Variants in KCNT2 observed in about 807,000 individuals in gnomAD.
The protein encoded by KCNT2 is potassium channel subfamily T member 2.
A neutral mutation model predicts 153.8 loss-of-function variants in KCNT2; 67 were observed. The observed-to-expected ratio is 0.44, with a 90% CI of 0.36 to 0.53. KCNT2 has a LOEUF of 0.53. Among genes scored for constraint, KCNT2 ranks in the 20% least tolerant of loss-of-function variants. The pLI, the probability that KCNT2 is intolerant of heterozygous loss-of-function variation, is 0.00. For missense variants in KCNT2, 975 were observed against 1,354.8 expected, an observed-to-expected ratio of 0.72 and a Z score of 4.40; for synonymous variants, 500 against 458.8, an observed-to-expected ratio of 1.09 and a Z score of -1.15.
intron 1 of KCNT2, among the ~76,000 whole-genome samples, chr1:196,569,183 A>T (rs1231251821): frequency 6.6e-6 from 1 of 152,092 alleles, no homozygotes; most frequent in African/African-American, 2.4e-5. Flanking sequence ...TTATGTTGTT[A>T]TATTTTTTAA....
chr1:196,234,468 C>T (rs965367997), intron 27 of KCNT2, among the ~76,000 whole-genome samples: 3 of 151,322 alleles, frequency 2.0e-5, no homozygotes, highest in African/African-American at 7.3e-5. Context: ...TACATAGGGG[C>T]TTGCCTTTAC....
chr1:196,254,472 T>G (rs1428404232), intron 26 of KCNT2, among the ~76,000 whole-genome samples: 1 of 151,536 alleles, frequency 6.6e-6, no homozygotes, highest in Non-Finnish European at 1.5e-5. Flanking sequence ...TTCCAATTAT[T>G]AAAAGTTGCA....
intron 1 of KCNT2, among the ~76,000 whole-genome samples, chr1:196,566,538 C>T (rs1660134550): frequency 6.6e-6 from 1 of 151,940 alleles, no homozygotes; most frequent in Admixed American, 6.6e-5. Context: ...TCTTGGGAGG[C>T]CCTCTCCATA....
intron 8 of KCNT2, among the ~76,000 whole-genome samples, chr1:196,455,826 C>T (rs1480007162): frequency 2.6e-5 from 4 of 151,976 alleles, no homozygotes; most frequent in Admixed American, 1.3e-4. Flanking sequence ...GCTGTGAAAA[C>T]CTGGCTGAGG....
chr1:196,489,393 T>C (rs1195266161), intron 3 of KCNT2, among the ~76,000 whole-genome samples: 2 of 151,448 alleles, frequency 1.3e-5, no homozygotes, highest in Admixed American at 6.6e-5. Context: ...AGGTAGAATA[T>C]GTAAAAGAGA....
Position 196,226,190 on chromosome 1 carries a change from C to T in KCNT2, c.*2034G>A, listed in dbSNP as rs970056889. On this transcript the variant is annotated 3_prime_UTR_variant, in exon 28 of 28. Coordinates refer to ENST00000294725, the MANE Select transcript of KCNT2 (RefSeq NM_198503.5). Reference sequence around the variant, plus strand: ...ACTGTCATAATGCAAAAATACCAAACTTCAGATCTTGTGGGGAAATAAAAG... The same window carrying T: ...ACTGTCATAATGCAAAAATACCAAATTTCAGATCTTGTGGGGAAATAAAAG... 1 of 151,950 alleles carries T rather than the reference C, an allele frequency of 6.6e-6. No individual in the cohort carries two copies. The highest frequency in any genetic ancestry group is 2.4e-5 in the African/African-American group (1 of 41,430). The allele number at this position is 151,950 out of a possible 1,614,324, so 9.4% of individuals were successfully genotyped here. A position where few individuals can be genotyped will look rare whatever the true frequency, so the allele number is the denominator to read the frequency against.
intron 12 of KCNT2, among the ~76,000 whole-genome samples, chr1:196,405,255 G>A (rs1183689768): frequency 3.3e-5 from 5 of 150,504 alleles, no homozygotes; most frequent in Admixed American, 1.3e-4. Flanking sequence ...TCCATATTTC[G>A]AATCATAGAG....
Position 196,292,137 on chromosome 1 carries a change from C to A in KCNT2, c.2596-6379G>T, listed in dbSNP as rs114816636. Among the ~76,000 whole-genome samples the A allele has an allele frequency of 3.9e-3, 586 of 152,198 alleles. 7 individuals are homozygous for A. Among genetic ancestry groups the A allele is most frequent in the African/African-American group, 0.014 (562 of 41,538 alleles). On this transcript the variant is annotated intron_variant, in intron 22 of 27. Coordinates refer to ENST00000294725, the MANE Select transcript of KCNT2 (RefSeq NM_198503.5). ...TTACTTTTACGAATCAGGCACTGAC[C>A]TAGGTTCTTAGCATACAAAAATAAT...
intron 5 of KCNT2, among the ~76,000 whole-genome samples, chr1:196,472,663 T>C (rs895460279): frequency 2.6e-5 from 4 of 152,352 alleles, no homozygotes; most frequent in African/African-American, 9.6e-5. Flanking sequence ...CCCTGACTTA[T>C]CTCCCAGTAA....
chr1:196,293,942 C>T (rs1279027768), intron 22 of KCNT2, among the ~76,000 whole-genome samples: 2 of 150,546 alleles, frequency 1.3e-5, no homozygotes, highest in Non-Finnish European at 3.0e-5. Flanking sequence ...AAAATATTGG[C>T]AAATAATACA....
intron 13 of KCNT2, among the ~76,000 whole-genome samples, chr1:196,397,315 T>C (rs147464459): frequency 1.3e-5 from 2 of 151,500 alleles, no homozygotes; most frequent in African/African-American, 4.8e-5. Context: ...GATAGCCTAG[T>C]TACAAAGGTC....
At chr1:196,463,983 C>T (rs1412110731) in intron 8 of KCNT2, among the ~76,000 whole-genome samples, 3 of 151,732 alleles carry the variant, frequency 2.0e-5, no homozygotes, top group Non-Finnish European at 2.9e-5. Context: ...TTAAGAGACT[C>T]CCACATTATA....
Position 196,565,497 on chromosome 1 carries a change from A to G in KCNT2, c.95+42718T>C, listed in dbSNP as rs946673078. Among the ~76,000 whole-genome samples, 45 of 151,748 alleles carry G rather than the reference A, an allele frequency of 3.0e-4. 2 individuals carry two copies. The highest frequency in any genetic ancestry group is 4.4e-5 in the Non-Finnish European group (3 of 67,780). ...AATACCTGCACTACTATGTTCATGT[A>G]GCATTATTCACAATAGCCAAGATAT... On this transcript the variant is annotated intron_variant, in intron 1 of 27. Transcript: ENST00000294725.
chr1:196,360,581 T>C (rs953508428), intron 14 of KCNT2, among the ~76,000 whole-genome samples: 4 of 151,992 alleles, frequency 2.6e-5, no homozygotes, highest in African/African-American at 9.7e-5. Flanking sequence ...TGAGATGTGA[T>C]TAAATTGAGA....
intron 1 of KCNT2, among the ~76,000 whole-genome samples, chr1:196,495,128 T>C (rs991484020): frequency 6.6e-6 from 1 of 152,142 alleles, no homozygotes; most frequent in Non-Finnish European, 1.5e-5. Context: ...TTGAGAAACA[T>C]GGATTATATT....
At chr1:196,228,506 C>T (rs1377135544) in intron 27 of KCNT2, among the ~76,000 whole-genome samples, 171 bp from the exon 28 acceptor site, 4 of 152,074 alleles carry the variant, frequency 2.6e-5, no homozygotes, top group African/African-American at 7.2e-5. Context: ...TACAATTTGG[C>T]ATGGTTAATA....
intron 1 of KCNT2, among the ~76,000 whole-genome samples, chr1:196,494,399 C>CT (rs1680085833): frequency 6.6e-6 from 1 of 151,988 alleles, no homozygotes; most frequent in Admixed American, 6.6e-5. Flanking sequence ...ACAGAGGAGC[C>CT]TTTTTTTGTT....
chr1:196,328,239 C>T (rs1664081290), intron 18 of KCNT2, among the ~76,000 whole-genome samples: 1 of 151,714 alleles, frequency 6.6e-6, no homozygotes. Flanking sequence ...AAGAGTGTAA[C>T]TCAAAAGATT....
chr1:196,314,014 C>A (rs1464838774), intron 21 of KCNT2, among the ~76,000 whole-genome samples: 1 of 151,510 alleles, frequency 6.6e-6, no homozygotes, highest in African/African-American at 2.4e-5. Context: ...AGTAACATAG[C>A]CTTTGCACAA....
Sources: allele counts gnomAD v4.1 joint callset (sites outside exome capture counted in the v4.1 genomes callset), GRCh38; gene constraint gnomAD v4.1.1; transcripts MANE v1.5; gene names NCBI Gene and HGNC (gene_info 2026-07-23, HGNC 2026-07-21).